KCMF1: variants seen among roughly 807,000 people sequenced by gnomAD.
KCMF1 encodes potassium channel modulatory factor 1.
Under a neutral mutation model 41.1 loss-of-function variants are expected in KCMF1, and 3 were observed. The ratio of observed to expected loss-of-function variants is 0.07; its 90% CI spans 0.03 to 0.19. The LOEUF is 0.19. Among genes scored for constraint, KCMF1 ranks in the 10% least tolerant of loss-of-function variants. The pLI, the probability that KCMF1 is intolerant of heterozygous loss-of-function variation, is 1.00. For missense variants in KCMF1, 286 were observed against 488.9 expected (o/e 0.58, Z 3.91); for synonymous variants, 142 against 164.5 (o/e 0.86, Z 1.04).
chr2:85,034,179 T>A (rs1210792558), intron 2 of KCMF1, among the ~76,000 whole-genome samples: 1 of 152,202 alleles, frequency 6.6e-6, no homozygotes, highest in East Asian at 1.9e-4. Flanking sequence ...TAAGACCTTG[T>A]CTCAAAAAAA....
At chr2:84,995,085 G>C (rs1674143519) in intron 1 of KCMF1, among the ~76,000 whole-genome samples, 1 of 151,224 alleles carries the variant, frequency 6.6e-6, no homozygotes, top group African/African-American at 2.4e-5. Flanking sequence ...GCAGTGGTGC[G>C]ATCTTGGCTC....
At chr2:85,022,433 A>G (rs1332791586) in intron 1 of KCMF1, among the ~76,000 whole-genome samples, 1 of 152,142 alleles carries the variant, frequency 6.6e-6, no homozygotes, top group Non-Finnish European at 1.5e-5. Flanking sequence ...GAGATTGTGC[A>G]ACTGCTCTCC....
chr2:85,053,113 T>G, intron 6 of KCMF1, 35 bp from the exon 7 acceptor site: 1 of 1,569,186 alleles, frequency 6.4e-7, no homozygotes, highest in Non-Finnish European at 8.6e-7. Flanking sequence ...CATTGACTTT[T>G]TAACAATAAG....
rs530391192 is a variant in KCMF1, at chr2:84,974,499, C to T, written c.16+3032C>T. Among the ~76,000 whole-genome samples the T allele has an allele frequency of 2.0e-5, 3 of 151,420 alleles. No homozygotes were observed. In the East Asian group the frequency reaches 5.8e-4, roughly 29 times the overall value. On this transcript the variant is annotated intron_variant, in intron 1 of 6. Coordinates refer to ENST00000409785, the MANE Select transcript of KCMF1 (RefSeq NM_020122.5). The stretch of plus-strand genomic sequence containing the variant: ...AGGAGCATAGAGAGATGCTCTAGTC[C>T]CGGGTTCAGCATGCTTCTTCTGTAA...
At chr2:85,040,626 G>A (rs1675504697) in intron 3 of KCMF1, among the ~76,000 whole-genome samples, 2 of 152,160 alleles carry the variant, frequency 1.3e-5, no homozygotes, top group Non-Finnish European at 2.9e-5. Flanking sequence ...CCTAAAAGGT[G>A]ACCAGGCCTC....
chr2:84,984,430 G>A (rs1187574417), intron 1 of KCMF1, among the ~76,000 whole-genome samples: 2 of 151,982 alleles, frequency 1.3e-5, no homozygotes, highest in Non-Finnish European at 2.9e-5. Flanking sequence ...TCTGTCCTAA[G>A]AACTTAGATT....
chr2:84,985,784 GTGTCACTGCA>G (rs1293330292), intron 1 of KCMF1, among the ~76,000 whole-genome samples: 1 of 149,362 alleles, frequency 6.7e-6, no homozygotes, highest in Non-Finnish European at 1.5e-5. Context: ...AGCCGAGATT[GTGTCACTGCA>G]CTCCAGCCTG....
chr2:85,046,036 GC>G (rs1675658887), intron 4 of KCMF1, 67 bp from the exon 5 acceptor site: 2 of 1,289,218 alleles, frequency 1.6e-6, no homozygotes, highest in South Asian at 2.9e-5. Flanking sequence ...CATCTGTCTA[GC>G]AAGGACTCAG....
chr2:84,984,113 G>GCTC, intron 1 of KCMF1, among the ~76,000 whole-genome samples: 1 of 152,208 alleles, frequency 6.6e-6, no homozygotes, highest in East Asian at 1.9e-4. Context: ...GGCCATGGTG[G>GCTC]CTCATGCTTG....
rs1673396025 is a variant in KCMF1, at chr2:84,971,638, G to GTT, written c.16+171_16+172insTT. Among the ~76,000 whole-genome samples, 5 of 150,974 alleles carry GTT rather than the reference G, an allele frequency of 3.3e-5. No individual in the cohort carries two copies. In the South Asian group the frequency reaches 8.3e-4, roughly 25 times the overall value. ...AGCGAGGGCGGAGAGCCGCGGCGCC[G>GTT]CTGCCGCCACGGCCGCGGCCCTTAG... On this transcript the variant is annotated intron_variant, in intron 1 of 6. Coordinates refer to ENST00000409785, the MANE Select transcript of KCMF1 (RefSeq NM_020122.5).
intron 3 of KCMF1, among the ~76,000 whole-genome samples, chr2:85,041,803 G>A (rs920830658): frequency 8.8e-5 from 13 of 147,314 alleles, no homozygotes; most frequent in Admixed American, 2.7e-4. Context: ...AAGTCTGGCC[G>A]GAGTTTAAAA....
Position 85,057,249 on chromosome 2 carries a change from G to A in KCMF1, c.*3840G>A, listed in dbSNP as rs1297087521. ...ATTATACGCGAAAGTTGGTGTTCAT[G>A]CTGGAAAACAGTTACGGTTATCTGT... On this transcript the variant is annotated 3_prime_UTR_variant, in exon 7 of 7. Transcript: ENST00000409785. 6.6e-6 allele frequency: 1 copy of A among 152,108 alleles called. No individual in the cohort carries two copies. The highest frequency in any genetic ancestry group is 1.5e-5 in the Non-Finnish European group (1 of 68,056). 9.4% of individuals were successfully genotyped at this position (152,108 alleles called of 1,614,324 possible). A position where few individuals can be genotyped will look rare whatever the true frequency, so the allele number is the denominator to read the frequency against.
intron 3 of KCMF1, among the ~76,000 whole-genome samples, chr2:85,042,868 C>T (rs991837193): frequency 1.9e-4 from 29 of 152,160 alleles, no homozygotes; most frequent in Non-Finnish European, 1.9e-4. Context: ...TGACTGTGTA[C>T]ACACCATTTT....
intron 1 of KCMF1, 114 bp from the exon 2 acceptor site, chr2:85,027,775 C>T: frequency 1.6e-6 from 1 of 634,970 alleles, no homozygotes; most frequent in South Asian, 2.1e-5. Context: ...TAAGTCATTT[C>T]TAGTCATTTT....
intron 1 of KCMF1, among the ~76,000 whole-genome samples, chr2:85,014,788 G>A (rs1424560806): frequency 6.6e-6 from 1 of 151,132 alleles, no homozygotes; most frequent in African/African-American, 2.4e-5. Context: ...TGCCCAGGCT[G>A]GTCTCAAACT....
intron 1 of KCMF1, among the ~76,000 whole-genome samples, chr2:84,991,008 G>A (rs1266813356): frequency 2.0e-5 from 3 of 152,158 alleles, no homozygotes; most frequent in African/African-American, 7.2e-5. Flanking sequence ...AGGGTGGAGT[G>A]AGGCGAGAGT....
At position 85,028,075 on chromosome 2, in the gene KCMF1, A is replaced by G; in HGVS notation, c.184+19A>G. ...GATTTTGGTAAGTAATTAAAAATTT[A>G]ATGAATTACATCATTTAGAATTTTA... On this transcript the variant is annotated intron_variant, in intron 2 of 6. Coordinates refer to ENST00000409785, the MANE Select transcript of KCMF1 (RefSeq NM_020122.5). The G allele has an allele frequency of 1.3e-6, 2 of 1,492,850 alleles. No individual in the cohort carries two copies. Among genetic ancestry groups the G allele is most frequent in the Non-Finnish European group, 1.8e-6 (2 of 1,091,320 alleles). The allele number at this position is 1,492,850 out of a possible 1,614,324, so 92.5% of individuals were successfully genotyped here.
intron 6 of KCMF1, among the ~76,000 whole-genome samples, chr2:85,050,428 TA>T (rs1426182724): frequency 6.6e-6 from 1 of 152,082 alleles, no homozygotes; most frequent in African/African-American, 2.4e-5. Context: ...AAAAGTAACT[TA>T]AAAAAATGGC....
At chr2:85,000,447 T>A (rs1234983156) in intron 1 of KCMF1, among the ~76,000 whole-genome samples, 1 of 152,180 alleles carries the variant, frequency 6.6e-6, no homozygotes, top group Non-Finnish European at 1.5e-5. Context: ...TTAATCTCAA[T>A]AAAATCTAGC....
Sources: allele counts gnomAD v4.1 joint callset (sites outside exome capture counted in the v4.1 genomes callset), GRCh38; gene constraint gnomAD v4.1.1; transcripts MANE v1.5; gene names NCBI Gene and HGNC (gene_info 2026-07-23, HGNC 2026-07-21).